DLG1: variants seen among roughly 807,000 people sequenced by gnomAD.
DLG1 encodes the protein discs large MAGUK scaffold protein 1.
A neutral mutation model predicts 123.4 loss-of-function variants in DLG1; 42 were observed. The ratio of observed to expected loss-of-function variants is 0.34; its 90% CI spans 0.27 to 0.44. The LOEUF (loss-of-function observed/expected upper bound fraction) is 0.44, where lower values mean the gene tolerates loss of function less well. Among genes scored for constraint, DLG1 ranks in the 20% least tolerant of loss-of-function variants. The pLI, the probability that DLG1 is intolerant of heterozygous loss-of-function variation, is 1.00. For missense variants in DLG1, 942 were observed against 1,082.6 expected (o/e 0.87, Z 1.82); for synonymous variants, 317 against 356.2 (o/e 0.89, Z 1.24).
chr3:197,233,932 C>T (rs928609297), intron 4 of DLG1, among the ~76,000 whole-genome samples: 5 of 152,216 alleles, frequency 3.3e-5, no homozygotes, highest in African/African-American at 7.2e-5. Context: ...ACACTGGAAG[C>T]GGAGCTCTGA....
chr3:197,267,936 T>C (rs1206483231), intron 4 of DLG1, among the ~76,000 whole-genome samples: 4 of 152,202 alleles, frequency 2.6e-5, no homozygotes, highest in African/African-American at 9.6e-5. Context: ...AAAGAGGTTA[T>C]AGATATTCCA....
At chr3:197,184,041 CA>C in intron 5 of DLG1, 4 of 1,291,378 alleles carry the variant, frequency 3.1e-6, no homozygotes, top group East Asian at 3.1e-5. Context: ...TTTTTGCAGA[CA>C]AAAAAGACGA....
At chr3:197,211,820 G>C (rs1361658106) in intron 4 of DLG1, among the ~76,000 whole-genome samples, 1 of 146,128 alleles carries the variant, frequency 6.8e-6, no homozygotes, top group Non-Finnish European at 1.5e-5. Flanking sequence ...GTTCACTGCA[G>C]CACTACTCAC....
chr3:197,271,260 G>T (rs1763816796), intron 4 of DLG1, among the ~76,000 whole-genome samples: 1 of 152,088 alleles, frequency 6.6e-6, no homozygotes, highest in African/African-American at 2.4e-5. Flanking sequence ...CTAAAGTATG[G>T]GGGAACTGCT....
chr3:197,192,528 A>ACGAGG, intron 5 of DLG1, among the ~76,000 whole-genome samples: 1 of 152,182 alleles, frequency 6.6e-6, no homozygotes, highest in South Asian at 2.1e-4. Flanking sequence ...TGTTTCTGCC[A>ACGAGG]CTAACTGGTA....
intron 4 of DLG1, among the ~76,000 whole-genome samples, chr3:197,268,059 G>C (rs958873671): frequency 2.0e-5 from 3 of 152,094 alleles, no homozygotes; most frequent in Non-Finnish European, 4.4e-5. Context: ...TATAAAGTTA[G>C]GAAATTTTGC....
chr3:197,233,297 T>C (rs552467868), intron 4 of DLG1, among the ~76,000 whole-genome samples: 8 of 152,314 alleles, frequency 5.3e-5, no homozygotes, highest in East Asian at 1.9e-4. Context: ...TTTAAATAAA[T>C]AGATGGTCCA....
chr3:197,085,898 T>A, intron 15 of DLG1, 142 bp from the exon 16 acceptor site: 2 of 640,802 alleles, frequency 3.1e-6, no homozygotes, highest in Non-Finnish European at 5.1e-6. Context: ...CTGCACTGCA[T>A]ACAAGATAAG....
At chr3:197,280,340 TGTG>T (rs771468520) in intron 4 of DLG1, among the ~76,000 whole-genome samples, 4 of 37,274 alleles carry the variant, frequency 1.1e-4, no homozygotes, top group Non-Finnish European at 2.6e-4. Flanking sequence ...GTCCATTTTG[TGTG>T]TGTGTGTGTG....
chr3:197,066,668 C>T, intron 20 of DLG1, 36 bp downstream of exon 20: 15 of 1,502,842 alleles, frequency 1.0e-5, no homozygotes, highest in Non-Finnish European at 1.4e-5. Context: ...GTATATTCTT[C>T]TAGAAGGTTA....
chr3:197,143,446 T>C (rs749042328), intron 6 of DLG1, among the ~76,000 whole-genome samples: 181 of 152,062 alleles, frequency 1.2e-3, no homozygotes, highest in African/African-American at 4.1e-3. Context: ...TTAGTAGAGA[T>C]GGGGTTTCAC....
At chr3:197,051,482 G>GCC in intron 24 of DLG1, 95 bp downstream of exon 24, 1 of 915,978 alleles carries the variant, frequency 1.1e-6, no homozygotes, top group South Asian at 1.4e-5. Flanking sequence ...ACGGGTAGAT[G>GCC]TAGGCATAGT....
rs189002810 is a variant in DLG1, at chr3:197,130,412, T to C, written c.1165+115A>G. 5.0e-4 allele frequency: 474 copies of C among 955,004 alleles called. 6 individuals are homozygous for C. In the African/African-American group the frequency reaches 7.2e-3, roughly 15 times the overall value. 59.2% of individuals were successfully genotyped at this position (955,004 alleles called of 1,614,324 possible). Reference sequence around the variant, plus strand: ...GAGTAGATTAACATGCTTAATTGTTTCTTTAAAAATATTTGCATAATGTTT... The same window carrying C: ...GAGTAGATTAACATGCTTAATTGTTCCTTTAAAAATATTTGCATAATGTTT... On this transcript the variant is annotated intron_variant, in intron 11 of 24. Coordinates refer to ENST00000667157, the MANE Select transcript of DLG1 (RefSeq NM_001366207.1).
chr3:197,242,670 A>G (rs576476612), intron 4 of DLG1, among the ~76,000 whole-genome samples: 1 of 152,308 alleles, frequency 6.6e-6, no homozygotes, highest in South Asian at 2.1e-4. Context: ...ATTAGACAAC[A>G]TGCTCCTGAA....
intron 6 of DLG1, among the ~76,000 whole-genome samples, 200 bp downstream of exon 6, chr3:197,149,543 C>A (rs1792840694): frequency 6.6e-6 from 1 of 151,856 alleles, no homozygotes; most frequent in Non-Finnish European, 1.5e-5. Context: ...AAAATTTCTG[C>A]TTTACAAAAG....
At chr3:197,098,843 T>C (rs1311214488) in intron 14 of DLG1, among the ~76,000 whole-genome samples, 2 of 152,224 alleles carry the variant, frequency 1.3e-5, no homozygotes, top group African/African-American at 4.8e-5. Context: ...AGTCTTTGCC[T>C]TACTCTTAAC....
At chr3:197,117,439 C>T (rs1057078543) in intron 12 of DLG1, among the ~76,000 whole-genome samples, 1 of 152,084 alleles carries the variant, frequency 6.6e-6, no homozygotes, top group African/African-American at 2.4e-5. Context: ...AACTCAAGTG[C>T]CCATCATTAG....
intron 4 of DLG1, among the ~76,000 whole-genome samples, chr3:197,262,918 C>G (rs1760060082): frequency 6.6e-6 from 1 of 152,156 alleles, no homozygotes. Flanking sequence ...ATCCCTTATC[C>G]CATGCAGGAT....
chr3:197,235,621 G>C (rs960392835), intron 4 of DLG1, among the ~76,000 whole-genome samples: 3 of 152,178 alleles, frequency 2.0e-5, no homozygotes, highest in African/African-American at 7.2e-5. Context: ...GCTTTAAAAA[G>C]TCTTGAACTG....
Sources: gnomAD v4.1 joint callset for allele counts (sites outside exome capture counted in the v4.1 genomes callset) on GRCh38, gnomAD v4.1.1 for gene constraint, MANE v1.5 for transcripts, NCBI Gene and HGNC (gene_info 2026-07-23, HGNC 2026-07-21) for gene names.